PCCA: variants seen among roughly 807,000 people sequenced by gnomAD.
PCCA encodes propionyl-CoA carboxylase subunit alpha, also known as propionyl-CoA carboxylase alpha chain, mitochondrial.
PCCA carries 74 observed loss-of-function variants against 101.3 expected under a neutral mutation model. That is an observed-to-expected ratio of 0.73 (90% confidence interval 0.61 to 0.89). The LOEUF (loss-of-function observed/expected upper bound fraction) is 0.89. Among genes scored for constraint, PCCA ranks in the 40% least tolerant of loss-of-function variants. The pLI, the probability that PCCA is intolerant of heterozygous loss-of-function variation, is 0.00. For synonymous variants in PCCA, 294 were observed against 313.6 expected (o/e 0.94, Z 0.66); for missense variants, 891 against 907.0 (o/e 0.98, Z 0.23).
At chr13:100,261,556 G>A (rs888054326) in intron 9 of PCCA, among the ~76,000 whole-genome samples, 1 of 151,840 alleles carries the variant, frequency 6.6e-6, no homozygotes, top group Non-Finnish European at 1.5e-5. Flanking sequence ...AGTACTGATG[G>A]GATTTCATCA....
chr13:100,151,969 ATTGT>A (rs148840719), intron 4 of PCCA, among the ~76,000 whole-genome samples: 46,825 of 151,778 alleles, frequency 0.31, 8,105 homozygotes, highest in East Asian at 0.71. Flanking sequence ...TTGCTTGAAT[ATTGT>A]TTGTTTGTTT....
intron 6 of PCCA, among the ~76,000 whole-genome samples, chr13:100,158,424 A>G (rs993665093): frequency 1.8e-4 from 27 of 152,342 alleles, no homozygotes; most frequent in South Asian, 4.1e-4. Flanking sequence ...AGAATTGTCT[A>G]TTTGAACCAC....
intron 17 of PCCA, among the ~76,000 whole-genome samples, chr13:100,334,527 G>A (rs1481857035): frequency 6.6e-6 from 1 of 152,158 alleles, no homozygotes; most frequent in African/African-American, 2.4e-5. Flanking sequence ...TGCTGTTGTA[G>A]GAGGCAGATG....
intron 12 of PCCA, among the ~76,000 whole-genome samples, chr13:100,286,455 C>T (rs1443626632): frequency 1.3e-5 from 2 of 152,084 alleles, no homozygotes; most frequent in Non-Finnish European, 2.9e-5. Flanking sequence ...GGAGTCAGGG[C>T]AGAGCAGGTA....
rs182428866 is a variant in PCCA at position 100,385,708 on chromosome 13, G to A, written c.1746+17134G>A. 9.5e-4 allele frequency among the ~76,000 whole-genome samples: 145 copies of A among 152,124 alleles called. 1 individual carries two copies. Among genetic ancestry groups the A allele is most frequent in the African/African-American group, 2.7e-3 (112 of 41,502 alleles). On this transcript the variant is annotated intron_variant, in intron 19 of 23. Transcript: ENST00000376285. The stretch of plus-strand genomic sequence containing the variant: ...CATGATCACGGCTGACTGCAACGTC[G>A]GCCTCCTAGGCTCCAGTGATCCTCC...
rs542465356 is a variant in PCCA at position 100,273,318 on chromosome 13, A to G, written c.1037A>G (p.Tyr346Cys). The G allele has an allele frequency of 3.7e-6, 6 of 1,613,092 alleles. No individual in the cohort carries two copies. In the South Asian group the frequency reaches 4.4e-5, roughly 12 times the overall value. ...CTTGTGGACTCTAAGAAGAATTTTT[A>G]TTTCTTGGAAATGAATACAAGACTC... ...EFLVDSKKNFYFLEMNTRLQV... is the reference protein window; with the variant it reads ...EFLVDSKKNFCFLEMNTRLQV... Residue 346 changes from tyrosine (Y) to cysteine (C), a missense_variant, in exon 12 of 24, where the codon TAT (tyrosine) becomes TGT (cysteine). Tyr to Cys is a radical substitution (Grantham distance 194). Transcript: ENST00000376285.
At chr13:100,460,608 T>C (rs2082103634) in intron 21 of PCCA, among the ~76,000 whole-genome samples, 1 of 152,252 alleles carries the variant, frequency 6.6e-6, no homozygotes, top group Admixed American at 6.5e-5. Context: ...CATTTTAAAT[T>C]AAGTTTTTAT....
intron 19 of PCCA, among the ~76,000 whole-genome samples, chr13:100,385,534 C>T (rs2076451645): frequency 1.3e-5 from 2 of 152,248 alleles, no homozygotes; most frequent in African/African-American, 2.4e-5. Context: ...GCCACACACA[C>T]ATTCAAGTGA....
At chr13:100,173,329 T>C (rs954748405) in intron 6 of PCCA, among the ~76,000 whole-genome samples, 1 of 152,166 alleles carries the variant, frequency 6.6e-6, no homozygotes, top group Non-Finnish European at 1.5e-5. Context: ...TTTTACATGC[T>C]CTGGCTGGGA....
At chr13:100,319,718 A>G (rs1030740437) in intron 16 of PCCA, among the ~76,000 whole-genome samples, 2 of 152,232 alleles carry the variant, frequency 1.3e-5, no homozygotes, top group South Asian at 2.1e-4. Flanking sequence ...TACCAGTACC[A>G]TGCTGCTTTG....
intron 2 of PCCA, among the ~76,000 whole-genome samples, chr13:100,109,955 A>G (rs2152273735): frequency 6.6e-6 from 1 of 152,298 alleles, no homozygotes; most frequent in Middle Eastern, 3.4e-3. Flanking sequence ...AACATGGGGA[A>G]ACCCCATCTC....
chr13:100,137,387 T>C (rs1017013515), intron 4 of PCCA, among the ~76,000 whole-genome samples: 2 of 152,250 alleles, frequency 1.3e-5, no homozygotes, highest in African/African-American at 4.8e-5. Flanking sequence ...TATTGTCCAG[T>C]TCCTCTATAT....
At chr13:100,157,614 A>G (rs1245066359) in intron 6 of PCCA, among the ~76,000 whole-genome samples, 1 of 152,224 alleles carries the variant, frequency 6.6e-6, no homozygotes, top group Non-Finnish European at 1.5e-5. Flanking sequence ...TAAAGTTAAA[A>G]ACTTCAGATT....
chr13:100,235,773 T>C, intron 7 of PCCA, 69 bp from the exon 8 acceptor site: 2 of 995,920 alleles, frequency 2.0e-6, no homozygotes, highest in Non-Finnish European at 3.2e-6. Flanking sequence ...GTGCAATATA[T>C]GACTGCCCTA....
At chr13:100,250,937 TA>T (rs1213327518) in intron 8 of PCCA, among the ~76,000 whole-genome samples, 2 of 152,196 alleles carry the variant, frequency 1.3e-5, no homozygotes, top group Admixed American at 6.5e-5. Context: ...TATTTCATTA[TA>T]CGTCTATGGT....
In PCCA at chr13:100,269,043, T is replaced by C. The variant is rs966142807; in HGVS notation, c.914+260T>C. The stretch of plus-strand genomic sequence containing the variant: ...TTTTGTGTTTTGTAGAGATGGGGTT[T>C]TGTCATGTTGCTCAGGCTGGCCTTG... On this transcript the variant is annotated intron_variant, in intron 11 of 23. Coordinates refer to ENST00000376285, the MANE Select transcript of PCCA (RefSeq NM_000282.4). Among the ~76,000 whole-genome samples, 45 of 152,254 alleles carry C rather than the reference T, an allele frequency of 3.0e-4. 1 individual carries two copies. The highest frequency in any genetic ancestry group is 1.1e-3 in the African/African-American group (44 of 41,552).
At chr13:100,380,606 T>A (rs1397064641) in intron 19 of PCCA, among the ~76,000 whole-genome samples, 1 of 152,170 alleles carries the variant, frequency 6.6e-6, no homozygotes, top group African/African-American at 2.4e-5. Flanking sequence ...CTTCAACAAA[T>A]GGTGTCGAAA....
At chr13:100,500,262 C>T (rs1383278034) in intron 21 of PCCA, among the ~76,000 whole-genome samples, 1 of 152,136 alleles carries the variant, frequency 6.6e-6, no homozygotes, top group Admixed American at 6.5e-5. Flanking sequence ...GTCATTTCCT[C>T]TTGCAGACAC....
intron 19 of PCCA, among the ~76,000 whole-genome samples, chr13:100,379,363 T>C (rs1276922333): frequency 6.6e-6 from 1 of 152,188 alleles, no homozygotes; most frequent in Non-Finnish European, 1.5e-5. Flanking sequence ...GCCCCGGGGT[T>C]GCATGTGCTG....
Sources: gnomAD v4.1 joint callset for allele counts (sites outside exome capture counted in the v4.1 genomes callset) on GRCh38, gnomAD v4.1.1 for gene constraint, MANE v1.5 for transcripts, NCBI Gene and HGNC (gene_info 2026-07-23, HGNC 2026-07-21) for gene names.